The following TRPC7 variants were observed in gnomAD, a reference collection of about 807,000 sequenced individuals.
TRPC7 encodes transient receptor potential cation channel subfamily C member 7.
In TRPC7, 42 loss-of-function variants were observed where a neutral mutation model predicts 90.1. That is an observed-to-expected ratio of 0.47 (90% CI 0.36 to 0.60). TRPC7 has a LOEUF of 0.60. Ranked by LOEUF, TRPC7 falls within the 20% of genes least tolerant of loss-of-function variation. The probability of loss-of-function intolerance (pLI) is 0.00; values close to 1 mark genes in which losing one functional copy is unlikely to be tolerated. For missense variants in TRPC7, 955 were observed against 1,112.3 expected (o/e 0.86, Z 2.01); for synonymous variants, 451 against 436.3 (o/e 1.03, Z -0.42).
chr5:136,336,905 A>G (rs1759683514), intron 2 of TRPC7, among the ~76,000 whole-genome samples: 1 of 152,206 alleles, frequency 6.6e-6, no homozygotes, highest in East Asian at 1.9e-4. Context: ...TTTATTCATC[A>G]GAAAGATGAA....
chr5:136,334,331 T>C (rs1022275946), intron 2 of TRPC7, among the ~76,000 whole-genome samples: 3 of 152,238 alleles, frequency 2.0e-5, no homozygotes, highest in Admixed American at 2.0e-4. Flanking sequence ...AAAATGCTAT[T>C]GATTAAGATG....
chr5:136,266,765 T>C (rs1757046143), intron 4 of TRPC7, among the ~76,000 whole-genome samples: 1 of 152,242 alleles, frequency 6.6e-6, no homozygotes, highest in South Asian at 2.1e-4. Context: ...CTGCATAAAG[T>C]TCACAATTTT....
chr5:136,235,236 G>C (rs1755946622), intron 7 of TRPC7, among the ~76,000 whole-genome samples: 1 of 152,172 alleles, frequency 6.6e-6, no homozygotes, highest in Admixed American at 6.5e-5. Context: ...AAATCAATAT[G>C]AAAATGACAG....
intron 2 of TRPC7, among the ~76,000 whole-genome samples, chr5:136,329,228 G>C (rs1759427647): frequency 1.3e-5 from 2 of 152,108 alleles, no homozygotes; most frequent in African/African-American, 4.8e-5. Context: ...GACAAACACT[G>C]TCTTTCAAGG....
intron 5 of TRPC7, among the ~76,000 whole-genome samples, chr5:136,263,136 A>G (rs928536087): frequency 4.6e-5 from 7 of 152,200 alleles, no homozygotes; most frequent in Non-Finnish European, 1.5e-5. Flanking sequence ...CCGTTTTCAG[A>G]GCTTACCCAG....
chr5:136,271,509 G>C (rs2149814321), intron 4 of TRPC7, among the ~76,000 whole-genome samples: 1 of 152,312 alleles, frequency 6.6e-6, no homozygotes, highest in East Asian at 1.9e-4. Context: ...GGATAGCAAA[G>C]GATGGAAACA....
rs144528989 is a variant in TRPC7 at position 136,246,095 on chromosome 5, G to A, written c.1844+1376C>T. ...AGAGCTCCATCACCACTTCCACGGT[G>A]GGGGATGTGCATGCCATTGTGTTAC... On this transcript the variant is annotated intron_variant, in intron 7 of 11. Transcript: ENST00000513104. Among the ~76,000 whole-genome samples the A allele has an allele frequency of 2.3e-3, 347 of 152,272 alleles. 1 individual carries two copies. Among genetic ancestry groups the A allele is most frequent in the Admixed American group, 4.3e-3 (66 of 15,298 alleles).
At chr5:136,261,903 C>T (rs1756868879) in intron 5 of TRPC7, among the ~76,000 whole-genome samples, 1 of 152,144 alleles carries the variant, frequency 6.6e-6, no homozygotes, top group Admixed American at 6.5e-5. Context: ...GTCTTGGTTT[C>T]CATCTCTATT....
At chr5:136,327,255 T>C (rs554367297) in intron 2 of TRPC7, among the ~76,000 whole-genome samples, 2 of 152,122 alleles carry the variant, frequency 1.3e-5, no homozygotes, top group Non-Finnish European at 2.9e-5. Context: ...ATGGGTGATA[T>C]AATATGTTGA....
chr5:136,351,800 T>C (rs899826822), intron 2 of TRPC7, among the ~76,000 whole-genome samples: 3 of 152,244 alleles, frequency 2.0e-5, no homozygotes, highest in Non-Finnish European at 4.4e-5. Flanking sequence ...TTTTAATTTG[T>C]AGTATTTTAG....
At chr5:136,288,387 G>A (rs1429572430) in intron 3 of TRPC7, among the ~76,000 whole-genome samples, 1 of 148,764 alleles carries the variant, frequency 6.7e-6, no homozygotes, top group Non-Finnish European at 1.5e-5. Flanking sequence ...TGACAGAACA[G>A]GTTAAGGTTA....
Position 136,266,304 on chromosome 5 carries a change from A to C in TRPC7, c.1261T>G (p.Phe421Val), listed in dbSNP as rs1323731364. The C allele has an allele frequency of 6.2e-7, 1 of 1,613,936 alleles. No individual in the cohort carries two copies. The highest frequency in any genetic ancestry group is 2.2e-5 in the East Asian group (1 of 44,866). ...EGVKTLPNET[F>V]TDYPKQIFRV... ...AAGATTTGTTTTGGGTAGTCTGTGA[A>C]GGTTTCGTTTGGCAGGGTTTTAACA... The change falls in exon 5 of 12, where the codon TTC becomes GTC. Residue 421 changes from phenylalanine to valine, a missense_variant. Physicochemically the swap from Phe to Val is conservative, Grantham distance 50. Coordinates refer to ENST00000513104, the MANE Select transcript of TRPC7 (RefSeq NM_020389.3).
intron 2 of TRPC7, among the ~76,000 whole-genome samples, chr5:136,334,533 C>A (rs1175009149): frequency 1.3e-5 from 2 of 152,206 alleles, no homozygotes; most frequent in Non-Finnish European, 2.9e-5. Context: ...CCTCTGAGAA[C>A]TCTACTCCTT....
intron 2 of TRPC7, among the ~76,000 whole-genome samples, chr5:136,355,990 T>G (rs2673930): frequency 0.33 from 50,155 of 152,056 alleles, 8,885 homozygotes; most frequent in African/African-American, 0.46. Context: ...CAGAGTGATT[T>G]AATTAGAGCT....
In TRPC7 at chr5:136,251,697, T is replaced by G; in HGVS notation, c.1531A>C (p.Thr511Pro). ...GGCGGAAGCGAGACATTGTGCAGCG[T>G]GTCGTCCTGCACGTGCTGGTCCACG... ...LYVDQHVQDD[T>P]LHNVSLPPEV... The change falls in exon 6 of 12, where the codon ACG becomes CCG. Residue 511 changes from threonine to proline, a missense_variant. Around this residue, in one of 4 missense-constraint regions of TRPC7, gnomAD observed 484 missense variants for 509.6 expected, o/e 0.95. Transcript: ENST00000513104. 2 of 1,613,630 alleles carry G rather than the reference T, an allele frequency of 1.2e-6. No homozygotes were observed. Among genetic ancestry groups the G allele is most frequent in the African/African-American group, 1.3e-5 (1 of 75,048 alleles).
chr5:136,314,446 CCAA>C (rs1211252542), intron 3 of TRPC7: 2 of 152,346 alleles, frequency 1.3e-5, no homozygotes, highest in Non-Finnish European at 2.9e-5. Flanking sequence ...CTCCCAACTT[CCAA>C]CAACACTGTG....
chr5:136,222,281 A>C (rs1755485294), intron 10 of TRPC7: 1 of 152,212 alleles, frequency 6.6e-6, no homozygotes, highest in Non-Finnish European at 1.5e-5. Context: ...CAGTCGAGAA[A>C]TCGAATGAAG....
At chr5:136,291,730 C>A (rs1041727559) in intron 3 of TRPC7, among the ~76,000 whole-genome samples, 40 of 152,254 alleles carry the variant, frequency 2.6e-4, no homozygotes, top group Admixed American at 2.3e-3. Context: ...TTAGACAGAT[C>A]AACGAGACAG....
chr5:136,219,090 G>A (rs75947716), intron 10 of TRPC7, among the ~76,000 whole-genome samples: 2,811 of 152,318 alleles, frequency 0.018, 101 homozygotes, highest in African/African-American at 0.064. Flanking sequence ...TTTGGGCTGT[G>A]TCTGGGTACT....
Sources: gnomAD v4.1 joint callset for allele counts (sites outside exome capture counted in the v4.1 genomes callset) on GRCh38, gnomAD v4.1.1 for gene constraint, gnomAD v4.1.1 regional missense constraint, MANE v1.5 for transcripts, NCBI Gene and HGNC (gene_info 2026-07-23, HGNC 2026-07-21) for gene names.